Variants in MMP21 observed in about 807,000 individuals in gnomAD.
MMP21 encodes the protein matrix metalloproteinase-21.
MMP21 carries 40 observed loss-of-function variants against 47.8 expected under a neutral mutation model. The ratio of observed to expected loss-of-function variants is 0.84; its 90% confidence interval spans 0.65 to 1.09. The LOEUF (loss-of-function observed/expected upper bound fraction) is 1.09. MMP21 is among the 50% of genes least tolerant of loss of function. The pLI, the probability that MMP21 is intolerant of heterozygous loss-of-function variation, is 0.00. For synonymous variants in MMP21, 341 were observed against 318.0 expected, an observed-to-expected ratio of 1.07 and a Z score of -0.77; for missense variants, 747 against 775.3, an observed-to-expected ratio of 0.96 and a Z score of 0.43.
Position 125,774,096 on chromosome 10 carries a change from G to A in MMP21, c.432C>T (p.Arg144=). Residue 144 remains arginine (R), a synonymous_variant, in exon 2 of 7, where the codon CGC becomes CGT. Transcript: ENST00000368808. Reference sequence around the variant, plus strand: ...ACAAGGACAGCGGCGCCCGCGGGGAGCGCCTGGAGCGGGCTCTGGGGGGCG... The same window carrying A: ...ACAAGGACAGCGGCGCCCGCGGGGAACGCCTGGAGCGGGCTCTGGGGGGCG... ...PGPPPRARSR[R]SPRAPLSLSR... is the part of the protein sequence containing the mutation. 1 of 1,350,174 alleles carries A rather than the reference G, an allele frequency of 7.4e-7. No individual in the cohort carries two copies. Among genetic ancestry groups the A allele is most frequent in the Non-Finnish European group, 9.5e-7 (1 of 1,057,466 alleles). The allele number at this position is 1,350,174 out of a possible 1,614,324, so 83.6% of individuals were successfully genotyped here.
rs1364170838 is a variant in MMP21 at position 125,772,348 on chromosome 10, A to G, written c.849T>C (p.His283=). 6.2e-7 allele frequency: 1 copy of G among 1,614,070 alleles called. No individual in the cohort carries two copies. Among genetic ancestry groups the G allele is most frequent in the African/African-American group, 1.3e-5 (1 of 75,020 alleles). The change falls in exon 4 of 7, where the codon CAT becomes CAC. Residue 283 remains histidine, a synonymous_variant. Coordinates refer to ENST00000368808, the MANE Select transcript of MMP21 (RefSeq NM_147191.1). This position sits in a 1 kb window ranked among gnomAD's most constrained non-coding sequence, Gnocchi z 5.6. The part of the protein sequence containing the change: ...TGISLLKVAV[H]EIGHVLGLPH... Reference sequence around the variant, plus strand: ...GCAAGCCCAGGACATGGCCAATTTCATGGACGGCCACCTAGAAGGGGACAC... The same window carrying G: ...GCAAGCCCAGGACATGGCCAATTTCGTGGACGGCCACCTAGAAGGGGACAC...
At chr10:125,767,733 G>A (rs748914784) in intron 5 of MMP21, 29 bp from the exon 6 acceptor site, 1 of 1,607,968 alleles carries the variant, frequency 6.2e-7, no homozygotes, top group South Asian at 1.1e-5. Context: ...ACGTTCATGT[G>A]GTTTATTACT....
At chr10:125,769,926 C>T (rs565650812) in intron 5 of MMP21, among the ~76,000 whole-genome samples, 10 of 152,006 alleles carry the variant, frequency 6.6e-5, no homozygotes, top group South Asian at 2.1e-4. Flanking sequence ...GGTGGGAAAG[C>T]GGCTTGAAGC....
Position 125,772,135 on chromosome 10 carries a change from A to G in MMP21, c.979+83T>C. The G allele has an allele frequency of 2.6e-6, 4 of 1,526,136 alleles. No individual in the cohort carries two copies. The South Asian group carries it at 4.8e-5, about 18-fold the overall frequency. The allele number at this position is 1,526,136 out of a possible 1,614,324, so 94.5% of individuals were successfully genotyped here. ...GTTGCGCTCTTAGGCCCAGTTTCCC[A>G]GTGAGGAGTGAGCGGGGTCCTACAG... On this transcript the variant is annotated intron_variant, in intron 4 of 6. Transcript: ENST00000368808. The surrounding 1 kb of genome is among the most constrained non-coding windows in gnomAD (Gnocchi z 5.6).
Position 125,766,724 on chromosome 10 carries a change from T to TAATGAAATAATGAAA in MMP21, c.1647_1648insTTTCATTATTTCATT (p.Lys549_Lys550insPheHisTyrPheIle). On this transcript the variant is annotated inframe_insertion, in exon 7 of 7. Coordinates refer to ENST00000368808, the MANE Select transcript of MMP21 (RefSeq NM_147191.1). ...TCAAACCACTTCTCTGAAATAAACT[T>TAATGAAATAATGAAA]TTTTGGAAATAAGCCATTAGCAGGA... 1 of 1,613,816 alleles carries TAATGAAATAATGAAA rather than the reference T, an allele frequency of 6.2e-7. No homozygotes were observed. Among genetic ancestry groups the TAATGAAATAATGAAA allele is most frequent in the Non-Finnish European group, 8.5e-7 (1 of 1,179,960 alleles).
In MMP21 at chr10:125,772,163, C is replaced by T. The variant is rs2133783075; in HGVS notation, c.979+55G>A. 2 of 1,601,280 alleles carry T rather than the reference C, an allele frequency of 1.2e-6. No homozygotes were observed. The highest frequency in any genetic ancestry group is 1.7e-6 in the Non-Finnish European group (2 of 1,170,740). ...GAGGAGTGAGCGGGGTCCTACAGTG[C>T]TCTGGAATACAGTGTCCTCCGCTAG... On this transcript the variant is annotated intron_variant, in intron 4 of 6. Transcript: ENST00000368808. The surrounding 1 kb of genome is among the most constrained non-coding windows in gnomAD (Gnocchi z 5.6).
At position 125,772,568 on chromosome 10, in the gene MMP21, C is replaced by G. The variant is rs1253952280; in HGVS notation, c.837+43G>C. On this transcript the variant is annotated intron_variant, in intron 3 of 6. Transcript: ENST00000368808. The surrounding 1 kb of genome is among the most constrained non-coding windows in gnomAD (Gnocchi z 5.6). ...GACTTTTTGGACGTCAGCCCATGAG[C>G]ACTGCTGGTGTCTTATCAACACAGT... 1 of 1,612,048 alleles carries G rather than the reference C, an allele frequency of 6.2e-7. No homozygotes were observed. Among genetic ancestry groups the G allele is most frequent in the East Asian group, 2.2e-5 (1 of 44,810 alleles).
At chr10:125,767,091 T>C in intron 6 of MMP21, 130 bp from the exon 7 acceptor site, 1 of 773,042 alleles carries the variant, frequency 1.3e-6, no homozygotes, top group Non-Finnish European at 2.0e-6. Flanking sequence ...TAATTTTCCA[T>C]CATGCTCTGC....
At position 125,773,779 on chromosome 10, in the gene MMP21, G is replaced by A. The variant is rs1198977190; in HGVS notation, c.697+52C>T. ...TGGCCGAGGTGGGGGTAGGTGCGCC[G>A]GGGTCCCCGAGGGGCTGGGTCGGGC... On this transcript the variant is annotated intron_variant, in intron 2 of 6. Transcript: ENST00000368808. The surrounding 1 kb of genome is among the most constrained non-coding windows in gnomAD (Gnocchi z 4.8). The A allele has an allele frequency of 4.1e-6, 6 of 1,451,242 alleles. No individual in the cohort carries two copies. Among genetic ancestry groups the A allele is most frequent in the Admixed American group, 2.4e-5 (1 of 41,086 alleles). 89.9% of individuals were successfully genotyped at this position (1,451,242 alleles called of 1,614,324 possible). A position where few individuals can be genotyped will look rare whatever the true frequency, so the allele number is the denominator to read the frequency against.
chr10:125,766,926 A>T lies in MMP21; in HGVS notation c.1446T>A (p.Leu482=), dbSNP rs1850392836. ...CAGTAATCCTCTTTGGATAAGAATTAAGTACTCGATTTCTGTTGACATCAA... is the reference window on the plus strand; with the variant it reads ...CAGTAATCCTCTTTGGATAAGAATTTAGTACTCGATTTCTGTTGACATCAA... ...FAFDVNRNRV[L]NSYPKRITEV... The change falls in exon 7 of 7, where the codon CTT becomes CTA. Residue 482 remains leucine (L), a synonymous_variant. Coordinates refer to ENST00000368808, the MANE Select transcript of MMP21 (RefSeq NM_147191.1). 1 of 1,604,686 alleles carries T rather than the reference A, an allele frequency of 6.2e-7. No individual in the cohort carries two copies. Among genetic ancestry groups the T allele is most frequent in the South Asian group, 1.1e-5 (1 of 88,766 alleles).
chr10:125,772,589 A>G lies in MMP21; in HGVS notation c.837+22T>C. ...TGAGCACTGCTGGTGTCTTATCAAC[A>G]CAGTGGCTCAGGACCACTGACCTTG... On this transcript the variant is annotated intron_variant, in intron 3 of 6. Transcript: ENST00000368808. The surrounding 1 kb of genome is among the most constrained non-coding windows in gnomAD (Gnocchi z 5.6). The G allele has an allele frequency of 6.2e-7, 1 of 1,614,204 alleles. No homozygotes were observed. Among genetic ancestry groups the G allele is most frequent in the Non-Finnish European group, 8.5e-7 (1 of 1,180,012 alleles).
At chr10:125,771,784 TAATC>T (rs1850448790) in intron 4 of MMP21, among the ~76,000 whole-genome samples, 1 of 152,170 alleles carries the variant, frequency 6.6e-6, no homozygotes, top group Admixed American at 6.5e-5. Flanking sequence ...TTTAATTAAA[TAATC>T]AACCACTAGA....
Position 125,773,942 on chromosome 10 carries a change from G to C in MMP21, c.586C>G (p.Arg196Gly). ...ATCCTGAAGGCCAGCGCCACAATGC[G>C]CCGCTGGTCGGCCACGGACAGTTGG... ...SSQLSVADQR[R>G]IVALAFRMWS... The change falls in exon 2 of 7, where the codon CGC becomes GGC. Residue 196 changes from arginine (R) to glycine (G), a missense_variant. By Grantham distance (125) the Arg-to-Gly change is moderately radical. Coordinates refer to ENST00000368808, the MANE Select transcript of MMP21 (RefSeq NM_147191.1). This position sits in a 1 kb window ranked among gnomAD's most constrained non-coding sequence, Gnocchi z 4.8. The C allele has an allele frequency of 6.3e-7, 1 of 1,585,420 alleles. No individual in the cohort carries two copies. Among genetic ancestry groups the C allele is most frequent in the Non-Finnish European group, 8.5e-7 (1 of 1,173,344 alleles).
chr10:125,772,369 G>T lies in MMP21; in HGVS notation c.838-10C>A. 1.9e-6 allele frequency: 3 copies of T among 1,613,940 alleles called. No homozygotes were observed. On this transcript the variant is annotated splice_polypyrimidine_tract_variant and intron_variant, in intron 3 of 6. Transcript: ENST00000368808. This position sits in a 1 kb window ranked among gnomAD's most constrained non-coding sequence, Gnocchi z 5.6. ...TTTCATGGACGGCCACCTAGAAGGG[G>T]ACACACACCATGGGTGCTGGGTGAA...
chr10:125,767,645 C>T lies in MMP21; in HGVS notation c.1297G>A (p.Gly433Arg). ...KDQALTEDEQ[G>R]KSYPKLISEG... The stretch of plus-strand genomic sequence containing the variant: ...GAAATCAATTTGGGATAGCTTTTTC[C>T]TTGTTCATCTTCTGTGAGGGCCTGA... Residue 433 changes from glycine to arginine, a missense_variant, in exon 6 of 7, where the codon GGA becomes AGA. Transcript: ENST00000368808. 1 of 1,614,142 alleles carries T rather than the reference C, an allele frequency of 6.2e-7. No homozygotes were observed. The highest frequency in any genetic ancestry group is 8.5e-7 in the Non-Finnish European group (1 of 1,180,034).
chr10:125,775,417 C>T (rs1850505695), intron 1 of MMP21, among the ~76,000 whole-genome samples: 1 of 152,222 alleles, frequency 6.6e-6, no homozygotes. Context: ...CTGTTGTCTG[C>T]GCACTGACAT....
At chr10:125,774,688 C>T (rs1282824977) in intron 1 of MMP21, among the ~76,000 whole-genome samples, 2 of 152,136 alleles carry the variant, frequency 1.3e-5, no homozygotes, top group Non-Finnish European at 2.9e-5. Flanking sequence ...GCCGGAGGAG[C>T]AGGAGACCTG....
chr10:125,774,855 A>T (rs558149275), intron 1 of MMP21, among the ~76,000 whole-genome samples: 1 of 152,304 alleles, frequency 6.6e-6, no homozygotes, highest in East Asian at 1.9e-4. Context: ...AGAGAAAGCC[A>T]TGGGAGGCAC....
chr10:125,772,417 T>C lies in MMP21; in HGVS notation c.838-58A>G. Reference sequence around the variant, plus strand: ...GAAGCCTGGGCGATGGATCCCTGCATAACAGACGCAGGCCTGTGCTTCGAG... The same window carrying C: ...GAAGCCTGGGCGATGGATCCCTGCACAACAGACGCAGGCCTGTGCTTCGAG... On this transcript the variant is annotated intron_variant, in intron 3 of 6. Coordinates refer to ENST00000368808, the MANE Select transcript of MMP21 (RefSeq NM_147191.1). This position sits in a 1 kb window ranked among gnomAD's most constrained non-coding sequence, Gnocchi z 5.6. 1 of 1,607,264 alleles carries C rather than the reference T, an allele frequency of 6.2e-7. No individual in the cohort carries two copies. Among genetic ancestry groups the C allele is most frequent in the South Asian group, 1.1e-5 (1 of 90,400 alleles).
Sources: gnomAD v4.1 joint callset for allele counts (sites outside exome capture counted in the v4.1 genomes callset) on GRCh38, gnomAD v4.1.1 for gene constraint, Gnocchi (gnomAD v3.1) non-coding constraint, MANE v1.5 for transcripts, NCBI Gene and HGNC (gene_info 2026-07-23, HGNC 2026-07-21) for gene names.